LRFN5: variants seen among roughly 807,000 people sequenced by gnomAD.
LRFN5 encodes leucine-rich repeat and fibronectin type-III domain-containing protein 5.
Under a neutral mutation model 45.6 loss-of-function variants are expected in LRFN5, and 24 were observed. The ratio of observed to expected loss-of-function variants is 0.53; its 90% confidence interval spans 0.38 to 0.74. The LOEUF (loss-of-function observed/expected upper bound fraction) is 0.74, where lower values mean the gene tolerates loss of function less well. Among genes scored for constraint, LRFN5 ranks in the 30% least tolerant of loss-of-function variants. The probability of loss-of-function intolerance (pLI) is 0.00; values close to 1 mark genes in which losing one functional copy is unlikely to be tolerated. For synonymous variants in LRFN5, 340 were observed against 313.8 expected (o/e 1.08, Z -0.88); for missense variants, 776 against 861.5 (o/e 0.90, Z 1.24).
chr14:41,667,681 T>G (rs1880968117), intron 1 of LRFN5, among the ~76,000 whole-genome samples: 1 of 152,144 alleles, frequency 6.6e-6, no homozygotes, highest in Non-Finnish European at 1.5e-5. Flanking sequence ...TGGGTAGACC[T>G]CTATCTATAA....
At chr14:41,809,485 C>G (rs1214624137) in intron 2 of LRFN5, among the ~76,000 whole-genome samples, 1 of 151,660 alleles carries the variant, frequency 6.6e-6, no homozygotes, top group East Asian at 1.9e-4. Context: ...AGTGACAGAG[C>G]TAGGATGTGA....
At chr14:41,656,561 T>C (rs1453215321) in intron 1 of LRFN5, among the ~76,000 whole-genome samples, 2 of 151,786 alleles carry the variant, frequency 1.3e-5, no homozygotes, top group African/African-American at 2.4e-5. Flanking sequence ...GAAGGGAGTA[T>C]AGGGGAGGGG....
At chr14:41,620,089 T>C (rs1348538764) in intron 1 of LRFN5, among the ~76,000 whole-genome samples, 1 of 152,102 alleles carries the variant, frequency 6.6e-6, no homozygotes, top group Non-Finnish European at 1.5e-5. Context: ...CCTTAGTAGA[T>C]TGTCAGCTTT....
At chr14:41,751,795 C>T (rs115598950) in intron 1 of LRFN5, among the ~76,000 whole-genome samples, 1,711 of 152,154 alleles carry the variant, frequency 0.011, 29 homozygotes, top group African/African-American at 0.038. Flanking sequence ...TTAAGTTTTA[C>T]GGTACATATA....
chr14:41,644,982 A>G (rs1323459402), intron 1 of LRFN5, among the ~76,000 whole-genome samples: 1 of 152,228 alleles, frequency 6.6e-6, no homozygotes, highest in African/African-American at 2.4e-5. Flanking sequence ...GAACAACCAC[A>G]GTAAGGTAAC....
At chr14:41,689,243 A>G (rs554875899) in intron 1 of LRFN5, among the ~76,000 whole-genome samples, 158 of 152,306 alleles carry the variant, frequency 1.0e-3, no homozygotes, top group Non-Finnish European at 1.3e-3. Context: ...TTGGAAAGTC[A>G]TACGGAAAGC....
chr14:41,735,220 G>C (rs1300192591), intron 1 of LRFN5, among the ~76,000 whole-genome samples: 1 of 151,830 alleles, frequency 6.6e-6, no homozygotes. Context: ...ATTCCTTTGG[G>C]TTTTGTCTGA....
At chr14:41,612,276 T>C (rs1003430338) in intron 1 of LRFN5, among the ~76,000 whole-genome samples, 1 of 152,166 alleles carries the variant, frequency 6.6e-6, no homozygotes. Context: ...TAAAAATAAA[T>C]GTGTCATAAA....
intron 2 of LRFN5, among the ~76,000 whole-genome samples, chr14:41,846,208 T>TACACACACAC (rs1177573546): frequency 3.2e-4 from 26 of 82,428 alleles, no homozygotes; most frequent in African/African-American, 1.3e-3. Flanking sequence ...TGTATATGTT[T>TACACACACAC]ACACAGACAC....
intron 2 of LRFN5, among the ~76,000 whole-genome samples, chr14:41,799,393 G>A (rs1887245958): frequency 6.6e-6 from 1 of 151,974 alleles, no homozygotes; most frequent in African/African-American, 2.4e-5. Context: ...GGGGATCACT[G>A]CTGATCCAAA....
chr14:41,635,132 T>TA (rs1162173468), intron 1 of LRFN5, among the ~76,000 whole-genome samples: 2 of 152,048 alleles, frequency 1.3e-5, no homozygotes, highest in Non-Finnish European at 2.9e-5. Context: ...TTTTAGAACT[T>TA]AGAGAAACAT....
chr14:41,738,563 T>C (rs904244653), intron 1 of LRFN5, among the ~76,000 whole-genome samples: 1 of 152,214 alleles, frequency 6.6e-6, no homozygotes, highest in Non-Finnish European at 1.5e-5. Context: ...GAAGTTGTTT[T>C]CTTTTTTCTT....
At chr14:41,775,240 A>G (rs994368911) in intron 2 of LRFN5, among the ~76,000 whole-genome samples, 13 of 151,558 alleles carry the variant, frequency 8.6e-5, no homozygotes, top group South Asian at 2.1e-4. Context: ...ACAGGCGCCC[A>G]CCACCAGGCC....
chr14:41,841,102 C>T (rs1287958136), intron 2 of LRFN5, among the ~76,000 whole-genome samples: 1 of 151,540 alleles, frequency 6.6e-6, no homozygotes, highest in Non-Finnish European at 1.5e-5. Flanking sequence ...TTTTCTTCTA[C>T]AATAGCAATC....
intron 4 of LRFN5, 158 bp downstream of exon 4, chr14:41,892,120 T>C (rs1025291097): frequency 1.3e-5 from 13 of 985,298 alleles, no homozygotes; most frequent in Non-Finnish European, 1.6e-5. Flanking sequence ...TTATTCAGTC[T>C]GACTGTTCTG....
chr14:41,750,716 T>C (rs1885095192), intron 1 of LRFN5, among the ~76,000 whole-genome samples: 2 of 152,108 alleles, frequency 1.3e-5, no homozygotes, highest in Admixed American at 1.3e-4. Flanking sequence ...AGTTTTGCAT[T>C]GCTGGGGAGG....
chr14:41,782,790 A>T (rs911919570), intron 2 of LRFN5, among the ~76,000 whole-genome samples: 3 of 152,074 alleles, frequency 2.0e-5, no homozygotes, highest in African/African-American at 7.2e-5. Context: ...AGTATTTCTC[A>T]TCAGAAAGAG....
At chr14:41,782,597 A>C (rs778311296) in intron 2 of LRFN5, among the ~76,000 whole-genome samples, 3 of 152,146 alleles carry the variant, frequency 2.0e-5, no homozygotes, top group Non-Finnish European at 4.4e-5. Flanking sequence ...ATTTTTTGTT[A>C]AACATCAGAC....
chr14:41,880,217 G>A (rs116901359), intron 2 of LRFN5, among the ~76,000 whole-genome samples: 3,177 of 151,882 alleles, frequency 0.021, 41 homozygotes, highest in Non-Finnish European at 0.03. Context: ...GTGAGCCACC[G>A]CGCCCGGCCC....
Sources: allele counts gnomAD v4.1 joint callset (sites outside exome capture counted in the v4.1 genomes callset), GRCh38; gene constraint gnomAD v4.1.1; transcripts MANE v1.5; gene names NCBI Gene and HGNC (gene_info 2026-07-23, HGNC 2026-07-21).